CDH18: variants seen among roughly 807,000 people sequenced by gnomAD.
The protein encoded by CDH18 is cadherin-18.
In CDH18, 31 loss-of-function variants were observed where a neutral mutation model predicts 67.9. That is an observed-to-expected ratio of 0.46 (90% CI 0.34 to 0.62). CDH18 has a LOEUF of 0.62. Ranked by LOEUF, CDH18 falls within the 20% of genes least tolerant of loss-of-function variation. The pLI, the probability that CDH18 is intolerant of heterozygous loss-of-function variation, is 0.01. For synonymous variants in CDH18, 362 were observed against 347.2 expected (o/e 1.04, Z -0.48); for missense variants, 890 against 975.5 (o/e 0.91, Z 1.17).
At chr5:20,491,531 C>T (rs1447742360) in intron 1 of CDH18, among the ~76,000 whole-genome samples, 1 of 152,018 alleles carries the variant, frequency 6.6e-6, no homozygotes, top group Non-Finnish European at 1.5e-5. Flanking sequence ...AGGTGGAGAC[C>T]AAGGAAAGAG....
At chr5:20,563,867 C>T (rs1758353587) in intron 1 of CDH18, among the ~76,000 whole-genome samples, 1 of 152,096 alleles carries the variant, frequency 6.6e-6, no homozygotes, top group Non-Finnish European at 1.5e-5. Flanking sequence ...AAATGGCGCT[C>T]TGATCTTGAG....
intron 1 of CDH18, among the ~76,000 whole-genome samples, chr5:20,387,489 G>T (rs185938332): frequency 6.6e-6 from 1 of 152,040 alleles, no homozygotes; most frequent in Non-Finnish European, 1.5e-5. Flanking sequence ...GGGTTTTCTA[G>T]ATATACAATC....
chr5:20,466,448 AAATT>A (rs1201126587), intron 1 of CDH18, among the ~76,000 whole-genome samples: 1 of 152,094 alleles, frequency 6.6e-6, no homozygotes, highest in East Asian at 1.9e-4. Context: ...GCAGCTAAAT[AAATT>A]ATGTATTAGA....
At chr5:19,827,341 A>G (rs1397101703) in intron 3 of CDH18, among the ~76,000 whole-genome samples, 1 of 151,920 alleles carries the variant, frequency 6.6e-6, no homozygotes, top group African/African-American at 2.4e-5. Context: ...AAAAAAAAAA[A>G]AACTTAAAAT....
At chr5:19,905,772 GA>G (rs1388497107) in intron 2 of CDH18, among the ~76,000 whole-genome samples, 5 of 151,336 alleles carry the variant, frequency 3.3e-5, no homozygotes, top group South Asian at 4.2e-4. Context: ...TTAAAAATCA[GA>G]AAAAAAATCA....
chr5:20,064,029 T>C (rs1273995589), intron 2 of CDH18, among the ~76,000 whole-genome samples: 1 of 152,220 alleles, frequency 6.6e-6, no homozygotes, highest in Non-Finnish European at 1.5e-5. Context: ...GTGTTGTTCC[T>C]TATGTTGTAT....
Position 20,283,091 on chromosome 5 carries a change from G to A in CDH18, c.-579-27586C>T, listed in dbSNP as rs138308569. 2.6e-3 allele frequency among the ~76,000 whole-genome samples: 400 copies of A among 151,906 alleles called. 1 individual carries two copies. The highest frequency in any genetic ancestry group is 8.5e-3 in the African/African-American group (352 of 41,472). On this transcript the variant is annotated intron_variant, in intron 1 of 14. Coordinates refer to the CDH18 transcript ENST00000507958. ...TGCAGAAAAGTCAAACTAGACCCCT[G>A]CTTCTTGTCTTATCAAAATAAATTA... is the stretch of plus-strand genomic sequence containing the variant.
chr5:20,108,122 T>C (rs59709007), intron 2 of CDH18, among the ~76,000 whole-genome samples: 6,723 of 152,088 alleles, frequency 0.044, 490 homozygotes, highest in African/African-American at 0.15. Flanking sequence ...GCTCTGTCGC[T>C]CAGGCTGGAG....
At chr5:19,819,607 C>A (rs1779643984) in intron 3 of CDH18, among the ~76,000 whole-genome samples, 1 of 152,118 alleles carries the variant, frequency 6.6e-6, no homozygotes, top group Admixed American at 6.6e-5. Context: ...GGGATCCCAG[C>A]TACAAGAGAT....
chr5:20,317,542 C>T (rs1178789162), intron 1 of CDH18, among the ~76,000 whole-genome samples: 1 of 152,072 alleles, frequency 6.6e-6, no homozygotes, highest in Non-Finnish European at 1.5e-5. Flanking sequence ...AATCATCTTT[C>T]ATTGTTTTAC....
chr5:20,451,157 T>C (rs964433515), intron 1 of CDH18, among the ~76,000 whole-genome samples: 3 of 152,220 alleles, frequency 2.0e-5, no homozygotes, highest in African/African-American at 7.2e-5. Flanking sequence ...AATAGTAACA[T>C]TTCTTACTAC....
chr5:20,116,583 T>G (rs1335280982), intron 2 of CDH18, among the ~76,000 whole-genome samples: 2 of 152,124 alleles, frequency 1.3e-5, no homozygotes, highest in Admixed American at 1.3e-4. Flanking sequence ...AGGAATATAT[T>G]TTAAGTGTTG....
chr5:19,560,964 C>T (rs964064295), intron 8 of CDH18, among the ~76,000 whole-genome samples: 15 of 151,960 alleles, frequency 9.9e-5, no homozygotes, highest in African/African-American at 3.4e-4. Context: ...TGTGATACCA[C>T]CTCACTTCTA....
intron 2 of CDH18, among the ~76,000 whole-genome samples, chr5:20,102,230 GTGTGT>G (rs1746535107): frequency 6.9e-6 from 1 of 144,964 alleles, no homozygotes; most frequent in South Asian, 2.1e-4. Flanking sequence ...GTGTGTGTGT[GTGTGT>G]GTGTGTGTGT....
At chr5:20,540,198 T>C (rs541110234) in intron 1 of CDH18, among the ~76,000 whole-genome samples, 49 of 152,262 alleles carry the variant, frequency 3.2e-4, no homozygotes, top group Admixed American at 2.0e-4. Flanking sequence ...CTTCTAGCAA[T>C]ACAGACATTT....
intron 1 of CDH18, among the ~76,000 whole-genome samples, chr5:20,306,955 A>G (rs1736518014): frequency 6.6e-6 from 1 of 152,204 alleles, no homozygotes; most frequent in South Asian, 2.1e-4. Context: ...TATAGGAAAA[A>G]ATAACATTTA....
intron 1 of CDH18, among the ~76,000 whole-genome samples, chr5:20,418,284 G>C (rs1204794546): frequency 2.3e-5 from 1 of 42,840 alleles, no homozygotes; most frequent in Non-Finnish European, 4.7e-5. Flanking sequence ...CAGTAGAGAC[G>C]GGGTTTCCTC....
At chr5:20,468,166 T>C (rs4257774) in intron 1 of CDH18, among the ~76,000 whole-genome samples, 12,622 of 151,820 alleles carry the variant, frequency 0.083, 1,696 homozygotes, top group African/African-American at 0.28. Context: ...AGGTGCCCAC[T>C]AAGACGTCCA....
chr5:19,993,964 G>T (rs1271301179), intron 2 of CDH18, among the ~76,000 whole-genome samples: 2 of 152,086 alleles, frequency 1.3e-5, no homozygotes, highest in African/African-American at 4.8e-5. Context: ...TGCTAAAATG[G>T]CATATTGGCA....
Sources: gnomAD v4.1 joint callset for allele counts (sites outside exome capture counted in the v4.1 genomes callset) on GRCh38, gnomAD v4.1.1 for gene constraint, MANE v1.5 for transcripts, NCBI Gene and HGNC (gene_info 2026-07-23, HGNC 2026-07-21) for gene names.